Variants in ERBB4 observed in about 807,000 individuals in gnomAD.
ERBB4 encodes the protein erb-b2 receptor tyrosine kinase 4.
In ERBB4, 42 loss-of-function variants were observed where a neutral mutation model predicts 158.0. That is an observed-to-expected ratio of 0.27 (90% CI 0.21 to 0.34). ERBB4 has a LOEUF of 0.34. ERBB4 is among the 10% of genes least tolerant of loss of function. The pLI, the probability that ERBB4 is intolerant of heterozygous loss-of-function variation, is 1.00. For missense variants in ERBB4, 1,333 were observed against 1,624.1 expected (o/e 0.82, Z 3.08); for synonymous variants, 583 against 558.7 (o/e 1.04, Z -0.61).
intron 1 of ERBB4, among the ~76,000 whole-genome samples, chr2:212,291,797 T>G (rs938524928): frequency 6.6e-6 from 1 of 152,042 alleles, no homozygotes; most frequent in African/African-American, 2.4e-5. Flanking sequence ...ATATAGCAAA[T>G]TCCTGATAGC....
chr2:212,182,857 C>A (rs1173576933), intron 1 of ERBB4, among the ~76,000 whole-genome samples: 1 of 133,036 alleles, frequency 7.5e-6, no homozygotes, highest in East Asian at 2.1e-4. Flanking sequence ...ATCTTCTTTG[C>A]TCAGGTAAAA....
In ERBB4 at chr2:212,293,847, C is replaced by CAAAAA. The variant is rs1201724620; in HGVS notation, c.83-168949_83-168945dup. ...TGGGTGACAGAGGAAGACTCTGTCT[C>CAAAAA]AAAAAAAAAAACAAAAAAAAAAAAA... On this transcript the variant is annotated intron_variant, in intron 1 of 27. Transcript: ENST00000342788. 1.5e-3 allele frequency among the ~76,000 whole-genome samples: 96 copies of CAAAAA among 63,744 alleles called. 16 individuals carry two copies. The highest frequency in any genetic ancestry group is 3.3e-3 in the African/African-American group (37 of 11,114). 41.8% of individuals were successfully genotyped at this position (63,744 alleles called of 152,430 possible).
At chr2:212,136,702 T>A (rs1405343362) in intron 1 of ERBB4, among the ~76,000 whole-genome samples, 1 of 152,192 alleles carries the variant, frequency 6.6e-6, no homozygotes, top group Non-Finnish European at 1.5e-5. Context: ...CTGTTCCAAG[T>A]TATCTGTCCA....
intron 1 of ERBB4, among the ~76,000 whole-genome samples, chr2:212,441,122 T>G (rs963306942): frequency 2.0e-5 from 3 of 152,174 alleles, no homozygotes; most frequent in African/African-American, 7.2e-5. Flanking sequence ...AATGAGACCC[T>G]GCATCTCGGA....
intron 14 of ERBB4, among the ~76,000 whole-genome samples, chr2:211,668,652 T>C (rs1028458070): frequency 1.3e-5 from 2 of 152,154 alleles, no homozygotes; most frequent in Non-Finnish European, 2.9e-5. Flanking sequence ...GACATATTTA[T>C]TATTCACCAG....
intron 1 of ERBB4, among the ~76,000 whole-genome samples, chr2:212,224,207 TTC>T (rs2083398547): frequency 6.6e-6 from 1 of 151,968 alleles, no homozygotes; most frequent in South Asian, 2.1e-4. Context: ...TATCAATTTC[TTC>T]TCTCTTTTTC....
intron 1 of ERBB4, among the ~76,000 whole-genome samples, chr2:212,141,881 C>T (rs1443193691): frequency 6.6e-6 from 1 of 152,072 alleles, no homozygotes; most frequent in African/African-American, 2.4e-5. Context: ...CATCTTTTAA[C>T]CTATAAATCA....
At chr2:212,138,051 A>G (rs2080330266) in intron 1 of ERBB4, among the ~76,000 whole-genome samples, 2 of 152,302 alleles carry the variant, frequency 1.3e-5, no homozygotes, top group South Asian at 4.1e-4. Flanking sequence ...TTTACATTCT[A>G]AGATAAATCC....
chr2:211,940,692 T>C (rs1206686117), intron 3 of ERBB4, among the ~76,000 whole-genome samples: 1 of 152,150 alleles, frequency 6.6e-6, no homozygotes, highest in African/African-American at 2.4e-5. Flanking sequence ...GAGCAGATCA[T>C]CTTGCCAGTC....
intron 19 of ERBB4, among the ~76,000 whole-genome samples, chr2:211,603,992 A>G (rs1174264769): frequency 2.0e-5 from 3 of 152,226 alleles, no homozygotes; most frequent in African/African-American, 7.2e-5. Context: ...CTATTACAGG[A>G]TACCACATTT....
At chr2:212,287,778 G>T (rs1006123619) in intron 1 of ERBB4, among the ~76,000 whole-genome samples, 1 of 152,188 alleles carries the variant, frequency 6.6e-6, no homozygotes, top group Admixed American at 6.5e-5. Flanking sequence ...CATGGATGGA[G>T]TTGGAAGCCA....
chr2:212,203,144 T>C (rs972637390), intron 1 of ERBB4, among the ~76,000 whole-genome samples: 26 of 152,166 alleles, frequency 1.7e-4, no homozygotes, highest in African/African-American at 5.8e-4. Flanking sequence ...ATTGTACATA[T>C]ATGTTACAGT....
chr2:212,447,998 A>C (rs1181622733), intron 1 of ERBB4, among the ~76,000 whole-genome samples: 1 of 152,216 alleles, frequency 6.6e-6, no homozygotes, highest in Non-Finnish European at 1.5e-5. Context: ...ATTCAGTATC[A>C]CATAGAATGT....
intron 1 of ERBB4, among the ~76,000 whole-genome samples, chr2:212,270,867 G>A (rs568985904): frequency 4.4e-4 from 67 of 151,820 alleles, no homozygotes; most frequent in African/African-American, 1.6e-3. Flanking sequence ...CTATTTCCCA[G>A]CTTTCCAGAC....
At chr2:212,127,372 C>G (rs1191291270) in intron 1 of ERBB4, among the ~76,000 whole-genome samples, 1 of 152,172 alleles carries the variant, frequency 6.6e-6, no homozygotes, top group Non-Finnish European at 1.5e-5. Flanking sequence ...GTGGGCGGAT[C>G]ACGAGGTCAG....
Position 212,127,173 on chromosome 2 carries a change from T to C in ERBB4, c.83-2270A>G, listed in dbSNP as rs555892524. On this transcript the variant is annotated intron_variant, in intron 1 of 27. Transcript: ENST00000342788. ...ATCAAATTAAGATGAGGTAGGTCAT[T>C]TGGGTGTTCCCTAATTCAATATAAT... is the stretch of plus-strand genomic sequence containing the variant. Among the ~76,000 whole-genome samples, 11 of 152,328 alleles carry C rather than the reference T, an allele frequency of 7.2e-5. No individual in the cohort carries two copies. In the East Asian group the frequency reaches 2.1e-3, roughly 29 times the overall value.
chr2:212,041,928 CATG>C (rs2125374374), intron 2 of ERBB4, among the ~76,000 whole-genome samples: 1 of 152,158 alleles, frequency 6.6e-6, no homozygotes, highest in South Asian at 2.1e-4. Context: ...ATTACATTGT[CATG>C]ATGAAGACAC....
At chr2:212,045,037 T>G (rs1031978407) in intron 2 of ERBB4, among the ~76,000 whole-genome samples, 2 of 152,188 alleles carry the variant, frequency 1.3e-5, no homozygotes, top group Admixed American at 6.5e-5. Flanking sequence ...AGCTTTATTC[T>G]CACAATTGTT....
At chr2:212,323,830 A>AATGTG in intron 1 of ERBB4, among the ~76,000 whole-genome samples, 1 of 149,746 alleles carries the variant, frequency 6.7e-6, no homozygotes, top group African/African-American at 2.4e-5. Context: ...CAGATTGAAA[A>AATGTG]CATTAATAAA....
Sources: allele counts gnomAD v4.1 joint callset (sites outside exome capture counted in the v4.1 genomes callset), GRCh38; gene constraint gnomAD v4.1.1; transcripts MANE v1.5; gene names NCBI Gene and HGNC (gene_info 2026-07-23, HGNC 2026-07-21).